Variants in MTUS2 observed in about 807,000 individuals in gnomAD.
MTUS2 encodes microtubule-associated tumor suppressor candidate 2.
In MTUS2, 40 loss-of-function variants were observed where a neutral mutation model predicts 114.1. The observed-to-expected ratio is 0.35, with a 90% CI of 0.27 to 0.46. The LOEUF (loss-of-function observed/expected upper bound fraction) is 0.46, where lower values mean the gene tolerates loss of function less well. MTUS2 is among the 20% of genes least tolerant of loss of function. The pLI, the probability that MTUS2 is intolerant of heterozygous loss-of-function variation, is 1.00. For synonymous variants in MTUS2, 688 were observed against 672.0 expected (o/e 1.02, Z -0.37); for missense variants, 1,679 against 1,705.4 (o/e 0.98, Z 0.27).
At position 29,480,100 on chromosome 13, in the gene MTUS2, A is replaced by T. The variant is rs1434929947; in HGVS notation, c.3185-50A>T. ...TGACCATGGAGGCTGAGTCCTTCCC[A>T]TGCCTCCTACGGCCATTTTTTAAAG... On this transcript the variant is annotated intron_variant, in intron 9 of 15. Coordinates refer to ENST00000612955, the MANE Select transcript of MTUS2 (RefSeq NM_001033602.4). This position sits in a 1 kb window ranked among gnomAD's most constrained non-coding sequence, Gnocchi z 4.4. 6.5e-6 allele frequency: 10 copies of T among 1,534,412 alleles called. No homozygotes were observed. The highest frequency in any genetic ancestry group is 1.2e-5 in the South Asian group (1 of 82,706).
chr13:29,343,240 T>C (rs1380325586), intron 7 of MTUS2, among the ~76,000 whole-genome samples: 1 of 152,046 alleles, frequency 6.6e-6, no homozygotes, highest in South Asian at 2.1e-4. Flanking sequence ...GTACCAGTTC[T>C]TCTTTGAACG....
chr13:28,949,814 T>C (rs1221442546), intron 2 of MTUS2, among the ~76,000 whole-genome samples: 3 of 150,864 alleles, frequency 2.0e-5, no homozygotes, highest in Non-Finnish European at 2.9e-5. Flanking sequence ...CTGAATGATA[T>C]TCCACTGTAA....
intron 4 of MTUS2, among the ~76,000 whole-genome samples, chr13:29,073,896 C>T (rs1180574912): frequency 6.6e-6 from 1 of 151,906 alleles, no homozygotes; most frequent in Non-Finnish European, 1.5e-5. Flanking sequence ...TTTTCTCATT[C>T]CTATAACAAA....
intron 4 of MTUS2, among the ~76,000 whole-genome samples, chr13:29,077,715 T>A (rs1343573224): frequency 6.6e-6 from 1 of 152,214 alleles, no homozygotes; most frequent in African/African-American, 2.4e-5. Flanking sequence ...GTCTTGACAA[T>A]GGTAGGCATC....
chr13:29,125,693 A>C (rs8001782), intron 5 of MTUS2, among the ~76,000 whole-genome samples: 29,063 of 152,234 alleles, frequency 0.19, 2,955 homozygotes, highest in Middle Eastern at 0.26. Flanking sequence ...CTGGGAAGTT[A>C]TAAAAATCAC....
At chr13:29,489,900 A>T (rs1220286191) in intron 11 of MTUS2, 1 of 152,186 alleles carries the variant, frequency 6.6e-6, no homozygotes, top group African/African-American at 2.4e-5. Flanking sequence ...CACTAGAGGA[A>T]GCTGGTCTCA....
At chr13:29,267,126 G>A (rs1288385898) in intron 5 of MTUS2, among the ~76,000 whole-genome samples, 3 of 152,110 alleles carry the variant, frequency 2.0e-5, no homozygotes, top group Non-Finnish European at 4.4e-5. Context: ...GCAGAGGGGG[G>A]ATTTATATGT....
intron 2 of MTUS2, among the ~76,000 whole-genome samples, chr13:28,991,757 T>A (rs974846440): frequency 3.3e-5 from 5 of 152,180 alleles, no homozygotes; most frequent in Admixed American, 6.5e-5. Flanking sequence ...CCTGGCTACT[T>A]CTTATCCTTT....
chr13:28,909,934 T>C (rs1880301234), intron 2 of MTUS2, among the ~76,000 whole-genome samples: 1 of 152,224 alleles, frequency 6.6e-6, no homozygotes. Context: ...TATATATTTA[T>C]GGGCTACATT....
At chr13:28,924,178 G>A (rs932335000) in intron 2 of MTUS2, among the ~76,000 whole-genome samples, 2 of 152,112 alleles carry the variant, frequency 1.3e-5, no homozygotes, top group African/African-American at 4.8e-5. Flanking sequence ...CTAAGCCACC[G>A]TGCTGCTTAT....
chr13:28,983,494 T>G (rs543967055), intron 2 of MTUS2, among the ~76,000 whole-genome samples: 1 of 152,360 alleles, frequency 6.6e-6, no homozygotes, highest in South Asian at 2.1e-4. Flanking sequence ...AATTTTATAT[T>G]GATAGTATGT....
chr13:29,470,734 T>A (rs901576943), intron 9 of MTUS2, among the ~76,000 whole-genome samples: 1 of 152,190 alleles, frequency 6.6e-6, no homozygotes, highest in African/African-American at 2.4e-5. Context: ...GTCCCTACCT[T>A]CCTCTGGAAC....
intron 7 of MTUS2, among the ~76,000 whole-genome samples, chr13:29,340,499 T>C (rs1901337945): frequency 6.6e-6 from 1 of 152,232 alleles, no homozygotes; most frequent in Non-Finnish European, 1.5e-5. Flanking sequence ...TTTTGCAATT[T>C]TGCTCTTAAG....
At chr13:28,975,078 A>G (rs1025109912) in intron 2 of MTUS2, among the ~76,000 whole-genome samples, 4 of 152,324 alleles carry the variant, frequency 2.6e-5, no homozygotes, top group Admixed American at 6.5e-5. Flanking sequence ...AGCCCAGGAA[A>G]TTGCAGTGCT....
At chr13:29,352,898 C>G (rs975020295) in intron 7 of MTUS2, among the ~76,000 whole-genome samples, 1 of 152,156 alleles carries the variant, frequency 6.6e-6, no homozygotes, top group African/African-American at 2.4e-5. Flanking sequence ...GGAAATTTTT[C>G]TCTACAGTTC....
chr13:29,033,869 T>C lies in MTUS2; in HGVS notation c.2206-16T>C, dbSNP rs779210591. 6 of 1,613,390 alleles carry C rather than the reference T, an allele frequency of 3.7e-6. No individual in the cohort carries two copies. In the African/African-American group the frequency reaches 6.7e-5, roughly 18 times the overall value. On this transcript the variant is annotated splice_polypyrimidine_tract_variant and intron_variant, in intron 3 of 15. Coordinates refer to ENST00000612955, the MANE Select transcript of MTUS2 (RefSeq NM_001033602.4). The stretch of plus-strand genomic sequence containing the variant: ...ATGTGAAGGTCTCTGATTGAGTTTT[T>C]GTTCATTTATCATAGGTTACAGACC...
chr13:28,913,252 T>A (rs1880553942), intron 2 of MTUS2, among the ~76,000 whole-genome samples: 1 of 152,208 alleles, frequency 6.6e-6, no homozygotes. Flanking sequence ...TGTGGGTTTG[T>A]CATATATGGC....
chr13:29,492,021 G>GGT (rs144917103), intron 11 of MTUS2, among the ~76,000 whole-genome samples: 15,570 of 137,934 alleles, frequency 0.11, 1,484 homozygotes, highest in African/African-American at 0.2. Flanking sequence ...GTGTGTGGTA[G>GGT]GTGTGTGTGT....
At chr13:29,409,573 C>A (rs1875059644) in intron 8 of MTUS2, among the ~76,000 whole-genome samples, 1 of 152,102 alleles carries the variant, frequency 6.6e-6, no homozygotes, top group South Asian at 2.1e-4. Flanking sequence ...CATTGGTTCT[C>A]CTATTGTTTC....
Sources: gnomAD v4.1 joint callset for allele counts (sites outside exome capture counted in the v4.1 genomes callset) on GRCh38, gnomAD v4.1.1 for gene constraint, Gnocchi (gnomAD v3.1) non-coding constraint, MANE v1.5 for transcripts, NCBI Gene and HGNC (gene_info 2026-07-23, HGNC 2026-07-21) for gene names.